PALM2AKAP2: variants seen among roughly 807,000 people sequenced by gnomAD.
PALM2AKAP2 encodes the protein PALM2 and AKAP2 fusion.
In PALM2AKAP2, 37 loss-of-function variants were observed where a neutral mutation model predicts 71.5. The observed-to-expected ratio is 0.52, with a 90% CI of 0.40 to 0.68. The LOEUF is 0.68. PALM2AKAP2 is among the 30% of genes least tolerant of loss of function. The probability of loss-of-function intolerance (pLI) is 0.00; values close to 1 mark genes in which losing one functional copy is unlikely to be tolerated. For synonymous variants in PALM2AKAP2, 468 were observed against 478.8 expected, an observed-to-expected ratio of 0.98 and a Z score of 0.29; for missense variants, 1,224 against 1,191.8, an observed-to-expected ratio of 1.03 and a Z score of -0.40.
At chr9:109,662,311 A>G (rs1331302520) in intron 1 of PALM2AKAP2, among the ~76,000 whole-genome samples, 1 of 152,168 alleles carries the variant, frequency 6.6e-6, no homozygotes, top group Non-Finnish European at 1.5e-5. Flanking sequence ...ATTTGTCACA[A>G]ATAGCTCTTA....
At chr9:109,830,809 A>G (rs1304476573) in intron 1 of PALM2AKAP2, among the ~76,000 whole-genome samples, 1 of 152,198 alleles carries the variant, frequency 6.6e-6, no homozygotes, top group African/African-American at 2.4e-5. Flanking sequence ...ACGCAGCGGA[A>G]GCCCAGGTGC....
chr9:109,659,535 C>T (rs750162597), intron 1 of PALM2AKAP2, among the ~76,000 whole-genome samples: 15 of 152,034 alleles, frequency 9.9e-5, no homozygotes, highest in Non-Finnish European at 1.6e-4. Flanking sequence ...TTGTGACTGG[C>T]TTCTTCCACT....
intron 1 of PALM2AKAP2, among the ~76,000 whole-genome samples, chr9:109,829,104 ATT>A (rs1459780581): frequency 1.4e-4 from 21 of 152,200 alleles, no homozygotes; most frequent in Admixed American, 6.5e-5. Context: ...CAGAGGAAAT[ATT>A]GTTTACTTAT....
chr9:110,042,868 C>T (rs1833531834), intron 7 of PALM2AKAP2, among the ~76,000 whole-genome samples: 1 of 152,056 alleles, frequency 6.6e-6, no homozygotes, highest in African/African-American at 2.4e-5. Flanking sequence ...AATTGGGCAT[C>T]CATCACCTCC....
intron 1 of PALM2AKAP2, among the ~76,000 whole-genome samples, chr9:110,054,382 A>G (rs1311462789): frequency 6.6e-6 from 1 of 151,886 alleles, no homozygotes; most frequent in African/African-American, 2.4e-5. Flanking sequence ...CTGGGCAACA[A>G]GAGTGAAACT....
intron 1 of PALM2AKAP2, among the ~76,000 whole-genome samples, chr9:109,804,586 T>G (rs188801951): frequency 6.6e-6 from 1 of 152,326 alleles, no homozygotes; most frequent in East Asian, 1.9e-4. Flanking sequence ...ATTTGTCAAT[T>G]TCCTGCTAGT....
chr9:109,851,884 T>C (rs1344376536), intron 1 of PALM2AKAP2, among the ~76,000 whole-genome samples: 1 of 152,070 alleles, frequency 6.6e-6, no homozygotes, highest in Non-Finnish European at 1.5e-5. Flanking sequence ...CCTCTATTAG[T>C]GGGTAAAAAG....
chr9:109,959,075 ACACGTGC>A (rs1246800557), intron 6 of PALM2AKAP2, among the ~76,000 whole-genome samples: 3 of 152,322 alleles, frequency 2.0e-5, no homozygotes, highest in Admixed American at 2.0e-4. Context: ...AATACTGCAG[ACACGTGC>A]CACTGCTCCC....
At chr9:110,162,975 G>C (rs1836640380) in intron 3 of PALM2AKAP2, among the ~76,000 whole-genome samples, 1 of 152,050 alleles carries the variant, frequency 6.6e-6, no homozygotes, top group South Asian at 2.1e-4. Flanking sequence ...GCCTCCCAAA[G>C]CATTGAGGTT....
intron 6 of PALM2AKAP2, chr9:109,942,555 C>G: frequency 9.9e-7 from 1 of 1,011,478 alleles, no homozygotes; most frequent in Non-Finnish European, 1.4e-6. Flanking sequence ...GCACCTCACT[C>G]TAACACTCAA....
chr9:109,800,735 G>A (rs565004664), intron 1 of PALM2AKAP2, among the ~76,000 whole-genome samples: 1 of 152,288 alleles, frequency 6.6e-6, no homozygotes, highest in East Asian at 1.9e-4. Flanking sequence ...ATCTACAGGG[G>A]TTTGTTGTTG....
At chr9:109,933,310 C>A (rs1831150360) in intron 6 of PALM2AKAP2, among the ~76,000 whole-genome samples, 1 of 152,192 alleles carries the variant, frequency 6.6e-6, no homozygotes, top group Non-Finnish European at 1.5e-5. Flanking sequence ...CTTCTGAGGT[C>A]AACTTAGGTA....
At chr9:109,838,510 C>A (rs1187973232) in intron 1 of PALM2AKAP2, among the ~76,000 whole-genome samples, 2 of 151,986 alleles carry the variant, frequency 1.3e-5, no homozygotes, top group Non-Finnish European at 2.9e-5. Context: ...TAGCAGAAGG[C>A]AAGAAATAAC....
intron 1 of PALM2AKAP2, among the ~76,000 whole-genome samples, chr9:109,650,293 A>G (rs1448196576): frequency 7.1e-6 from 1 of 140,178 alleles, no homozygotes; most frequent in African/African-American, 2.5e-5. Flanking sequence ...AGAGGACTAT[A>G]TCACCTTTTA....
chr9:109,932,762 A>G (rs1214125079), intron 6 of PALM2AKAP2, among the ~76,000 whole-genome samples: 1 of 152,246 alleles, frequency 6.6e-6, no homozygotes, highest in East Asian at 1.9e-4. Context: ...TGGGGGTTAA[A>G]TGGAAAAATG....
rs993277201 is a variant in PALM2AKAP2, at chr9:110,135,980, A to T, written c.157-147A>T. The stretch of plus-strand genomic sequence containing the variant: ...TGTTACTACAAGAAAATGAACATTT[A>T]AGGGATTATTAGAAAATATCTATTC... On this transcript the variant is annotated intron_variant, in intron 1 of 3. Coordinates refer to ENST00000374525, the Ensembl canonical transcript of PALM2AKAP2. 4.7e-6 allele frequency: 5 copies of T among 1,061,908 alleles called. No homozygotes were observed. The African/African-American group carries it at 8.0e-5, about 17-fold the overall frequency. The allele number at this position is 1,061,908 out of a possible 1,614,324, so 65.8% of individuals were successfully genotyped here. A position where few individuals can be genotyped will look rare whatever the true frequency, so the allele number is the denominator to read the frequency against.
At chr9:109,941,808 A>C (rs543107127) in intron 6 of PALM2AKAP2, among the ~76,000 whole-genome samples, 1 of 152,228 alleles carries the variant, frequency 6.6e-6, no homozygotes, top group Non-Finnish European at 1.5e-5. Flanking sequence ...ACTGAGAGAC[A>C]GGGGCAAGGG....
intron 6 of PALM2AKAP2, chr9:109,944,113 C>G (rs980474665): frequency 2.0e-5 from 3 of 152,582 alleles, no homozygotes; most frequent in African/African-American, 4.8e-5. Flanking sequence ...GCGGTTGTCT[C>G]TCTTTCTATG....
At chr9:109,775,453 T>C (rs2118776009), upstream of PALM2AKAP2, among the ~76,000 whole-genome samples, 1 of 152,282 alleles carries the variant, frequency 6.6e-6, no homozygotes, top group South Asian at 2.1e-4. Flanking sequence ...TGGAGAAAAA[T>C]AGCATATACT....
Sources: gnomAD v4.1 joint callset for allele counts (sites outside exome capture counted in the v4.1 genomes callset) on GRCh38, gnomAD v4.1.1 for gene constraint, MANE v1.5 for transcripts, NCBI Gene and HGNC (gene_info 2026-07-23, HGNC 2026-07-21) for gene names.